The following A1BG variants were observed in gnomAD, a reference collection of about 807,000 sequenced individuals.
A1BG encodes the protein alpha-1B-glycoprotein.
Under a neutral mutation model 46.0 loss-of-function variants are expected in A1BG, and 44 were observed. The observed-to-expected ratio is 0.96, with a 90% confidence interval of 0.75 to 1.23. The LOEUF is 1.23. A1BG is among the 50% of genes most tolerant of loss of function. A1BG has a pLI of 0.00. For missense variants in A1BG, 707 were observed against 688.8 expected (o/e 1.03, Z -0.30); for synonymous variants, 316 against 314.7 (o/e 1.00, Z -0.04).
At position 58,347,433 on chromosome 19, in the gene A1BG, T is replaced by G; in HGVS notation, c.1400A>C (p.Asn467Thr). Reference sequence around the variant, plus strand: ...CCAGGAGCGGTAGCGGCACCTGTAGTTGCCGGCGTGCTGGGGCCCCACGAA... The same window carrying G: ...CCAGGAGCGGTAGCGGCACCTGTAGGTGCCGGCGTGCTGGGGCCCCACGAA... ...LIFVGPQHAG[N>T]YRCRYRSWVP... The change falls in exon 7 of 8, where the codon AAC (asparagine) becomes ACC (threonine). Residue 467 changes from asparagine to threonine, a missense_variant. Transcript: ENST00000263100. 1 of 1,609,540 alleles carries G rather than the reference T, an allele frequency of 6.2e-7. No homozygotes were observed. The highest frequency in any genetic ancestry group is 8.5e-7 in the Non-Finnish European group (1 of 1,178,038).
intron 5 of A1BG, chr19:58,351,011 T>G: frequency 2.4e-6 from 1 of 418,946 alleles, no homozygotes; most frequent in Non-Finnish European, 4.3e-6. Flanking sequence ...GGGGCCCCTG[T>G]GGTCCGCTGG....
At chr19:58,352,157 C>T in intron 4 of A1BG, 126 bp downstream of exon 4, 1 of 1,512,342 alleles carries the variant, frequency 6.6e-7, no homozygotes, top group Non-Finnish European at 8.8e-7. Context: ...ACCCAGGCAA[C>T]CGTGTGGCCA....
chr19:58,348,453 C>T (rs768690732), intron 6 of A1BG: 1 of 152,202 alleles, frequency 6.6e-6, no homozygotes, highest in African/African-American at 2.4e-5. Context: ...TAATGAAGTA[C>T]ATGTAAGTGC....
chr19:58,353,294 A>G lies in A1BG; in HGVS notation c.68T>C (p.Ile23Thr). The change falls in exon 2 of 8, where the codon ATA (isoleucine) becomes ACA (threonine). Residue 23 changes from isoleucine (I) to threonine (T), a missense_variant and splice_region_variant. Physicochemically the swap from Ile to Thr is moderately conservative, Grantham distance 89. Transcript: ENST00000263100. Reference protein sequence around the residue: ...VTWGPVTEAAIFYETQPSLWA... With the variant: ...VTWGPVTEAATFYETQPSLWA... ...CCAGACCTCACCCCTGCACTCACATATGGCTGCTTCTGTCACTGGGCCCCA... is the reference window on the plus strand; with the variant it reads ...CCAGACCTCACCCCTGCACTCACATGTGGCTGCTTCTGTCACTGGGCCCCA... 6.2e-7 allele frequency: 1 copy of G among 1,613,300 alleles called. No individual in the cohort carries two copies. The highest frequency in any genetic ancestry group is 1.1e-5 in the South Asian group (1 of 91,054).
At chr19:58,347,117 C>A in intron 7 of A1BG, 88 bp from the exon 8 acceptor site, 1 of 1,517,066 alleles carries the variant, frequency 6.6e-7, no homozygotes. Context: ...CTCCCTGACG[C>A]CCCCCCGGAA....
Position 58,351,358 on chromosome 19 carries a change from G to T in A1BG, c.910+33C>A, listed in dbSNP as rs371502566. On this transcript the variant is annotated intron_variant, in intron 5 of 7. Transcript: ENST00000263100. Reference sequence around the variant, plus strand: ...ACTGCTCCTGCTCCCCAGGGACCCAGCCGCGTCCCTGTCCCTGCTGGCCCC... The same window carrying T: ...ACTGCTCCTGCTCCCCAGGGACCCATCCGCGTCCCTGTCCCTGCTGGCCCC... 1.0e-5 allele frequency: 16 copies of T among 1,599,424 alleles called. No individual in the cohort carries two copies. The African/African-American group carries it at 2.1e-4, about 21-fold the overall frequency.
intron 3 of A1BG, 177 bp downstream of exon 3, chr19:58,352,751 C>G: frequency 8.6e-7 from 1 of 1,169,446 alleles, no homozygotes; most frequent in Non-Finnish European, 1.2e-6. Flanking sequence ...GTACGGCATG[C>G]CGGGCCTGCT....
In A1BG at chr19:58,350,474, T is replaced by A; in HGVS notation, c.1088A>T (p.Asn363Ile). The A allele has an allele frequency of 6.4e-7, 1 of 1,556,862 alleles. No individual in the cohort carries two copies. ...GTTGGCGGAGTCAGCCACGGAAATGTTGTGCAGCTCGAAGAGCGCCTCGGT... is the reference window on the plus strand; with the variant it reads ...GTTGGCGGAGTCAGCCACGGAAATGATGTGCAGCTCGAAGAGCGCCTCGGT... ...AGTEALFELH[N>I]ISVADSANYS... The change falls in exon 6 of 8, where the codon AAC (asparagine) becomes ATC (isoleucine). Residue 363 changes from asparagine (N) to isoleucine (I), a missense_variant. Asn to Ile is a moderately radical substitution (Grantham distance 149). Coordinates refer to ENST00000263100, the MANE Select transcript of A1BG (RefSeq NM_130786.4).
Position 58,351,388 on chromosome 19 carries a change from C to T in A1BG, c.910+3G>A. On this transcript the variant is annotated splice_donor_region_variant and intron_variant, in intron 5 of 7. Transcript: ENST00000263100. ...GTCCCTGTCCCTGCTGGCCCCGGCTCACCATCGCTCAGAATCAGCTCGACC... is the reference window on the plus strand; with the variant it reads ...GTCCCTGTCCCTGCTGGCCCCGGCTTACCATCGCTCAGAATCAGCTCGACC... 1.2e-6 allele frequency: 2 copies of T among 1,608,470 alleles called. No homozygotes were observed. The highest frequency in any genetic ancestry group is 3.4e-4 in the Middle Eastern group (2 of 5,948).
chr19:58,353,380 G>T (rs201594936), intron 1 of A1BG, 24 bp downstream of exon 1: 2 of 1,612,174 alleles, frequency 1.2e-6, no homozygotes, highest in South Asian at 1.1e-5. Context: ...CCGCCCCAGG[G>T]ACCCAGACCC....
Position 58,347,572 on chromosome 19 carries a change from G to A in A1BG, c.1261C>T (p.Leu421=), listed in dbSNP as rs1158540331. 6.5e-7 allele frequency: 1 copy of A among 1,542,214 alleles called. No homozygotes were observed. Residue 421 remains leucine, a synonymous_variant, in exon 7 of 8, where the codon CTG becomes TTG. Coordinates refer to ENST00000263100, the MANE Select transcript of A1BG (RefSeq NM_130786.4). ...TCGGGGATGGGTCCCTCGCAGCGCA[G>A]GACGGCATCTCGGCCCGCCAGGACC... ...GAVLAGRDAV[L]RCEGPIPDVT...
intron 6 of A1BG, 55 bp from the exon 7 acceptor site, chr19:58,347,695 G>GCCGCGCCCAGT (rs1395944204): frequency 1.7e-5 from 14 of 834,208 alleles, no homozygotes; most frequent in South Asian, 2.4e-5. Flanking sequence ...CACGCCCCAG[G>GCCGCGCCCAGT]CCACACCCCA....
At chr19:58,350,284 G>A (rs1190104994) in intron 6 of A1BG, 86 bp downstream of exon 6, 2 of 1,431,608 alleles carry the variant, frequency 1.4e-6, no homozygotes, top group Admixed American at 2.7e-5. Context: ...CGCCGCCGTC[G>A]GACGCCCAAG....
chr19:58,352,718 G>T, intron 3 of A1BG, 163 bp from the exon 4 acceptor site: 2 of 1,172,048 alleles, frequency 1.7e-6, no homozygotes, highest in Non-Finnish European at 2.4e-6. Flanking sequence ...CATACGGCAA[G>T]AGAAAAAGAG....
intron 6 of A1BG, among the ~76,000 whole-genome samples, chr19:58,348,015 G>A (rs1473900514): frequency 6.6e-6 from 1 of 152,228 alleles, no homozygotes; most frequent in Non-Finnish European, 1.5e-5. Flanking sequence ...TACAATCTAT[G>A]TCAATAGATG....
chr19:58,351,313 C>CCT lies in A1BG; in HGVS notation c.910+77_910+78insAG. The CCT allele has an allele frequency of 2.6e-6, 4 of 1,550,532 alleles. No homozygotes were observed. In the South Asian group the frequency reaches 4.7e-5, roughly 18 times the overall value. On this transcript the variant is annotated intron_variant, in intron 5 of 7. Coordinates refer to ENST00000263100, the MANE Select transcript of A1BG (RefSeq NM_130786.4). ...GACCCTGGCCCAGAGCACTGCACTT[C>CCT]CCCAGACTCTACACCTGGTACTGCT...
chr19:58,352,124 C>A, intron 4 of A1BG, 159 bp downstream of exon 4: 1 of 1,475,904 alleles, frequency 6.8e-7, no homozygotes, highest in East Asian at 2.4e-5. Context: ...CATCCTCTGC[C>A]CAAACTCCTT....
In A1BG at chr19:58,350,639, G is replaced by T. The variant is rs922976117; in HGVS notation, c.923C>A (p.Ala308Glu). The change falls in exon 6 of 8, where the codon GCG (alanine) becomes GAG (glutamate). Residue 308 changes from alanine (A) to glutamate (E), a missense_variant. Ala to Glu is a moderately radical substitution (Grantham distance 107). Transcript: ENST00000263100. ...CTCCGGCTCCGGGGAGAACTCCGGC[G>T]CGGGCAGCGTCTCTGCGGAGCAGCA... The part of the protein sequence containing the change: ...ELILSDETLP[A>E]PEFSPEPESG... 22 of 1,414,180 alleles carry T rather than the reference G, an allele frequency of 1.6e-5. 1 individual carries two copies. The East Asian group carries it at 5.6e-4, about 36-fold the overall frequency. The allele number at this position is 1,414,180 out of a possible 1,614,324, so 87.6% of individuals were successfully genotyped here.
Position 58,351,468 on chromosome 19 carries a change from G to T in A1BG, c.833C>A (p.Thr278Asn), listed in dbSNP as rs375770905. Residue 278 changes from threonine (T) to asparagine (N), a missense_variant, in exon 5 of 8, where the codon ACC (threonine) becomes AAC (asparagine). Coordinates refer to ENST00000263100, the MANE Select transcript of A1BG (RefSeq NM_130786.4). Reference protein sequence around the residue: ...AVALGDGGHYTCRYRLHDNQN... With the variant: ...AVALGDGGHYNCRYRLHDNQN... ...GTTGTCATGCAGCCGGTAGCGGCAG[G>T]TGTAGTGACCTCCATCCCCCAGGGC... 7.4e-5 allele frequency: 120 copies of T among 1,613,670 alleles called. No homozygotes were observed. Among genetic ancestry groups the T allele is most frequent in the Non-Finnish European group, 9.9e-5 (117 of 1,180,032 alleles).
Sources: gnomAD v4.1 joint callset for allele counts (sites outside exome capture counted in the v4.1 genomes callset) on GRCh38, gnomAD v4.1.1 for gene constraint, MANE v1.5 for transcripts, NCBI Gene and HGNC (gene_info 2026-07-23, HGNC 2026-07-21) for gene names.